ARFRP1: variants seen among roughly 807,000 people sequenced by gnomAD.
The protein encoded by ARFRP1 is ADP-ribosylation factor-related protein 1.
Under a neutral mutation model 30.3 loss-of-function variants are expected in ARFRP1, and 19 were observed. That is an observed-to-expected ratio of 0.63 (90% CI 0.44 to 0.92). The LOEUF is 0.92. ARFRP1 is among the 40% of genes least tolerant of loss of function. ARFRP1 has a pLI of 0.00. For missense variants in ARFRP1, 245 were observed against 267.5 expected (o/e 0.92, Z 0.59); for synonymous variants, 133 against 114.2 (o/e 1.16, Z -1.05).
rs370919251 is a variant in ARFRP1, at chr20:63,700,423, C to A, written c.*20G>T. 65 of 1,605,600 alleles carry A rather than the reference C, an allele frequency of 4.0e-5. 1 individual carries two copies. Among genetic ancestry groups the A allele is most frequent in the South Asian group, 2.4e-4 (22 of 90,874 alleles). On this transcript the variant is annotated 3_prime_UTR_variant, in exon 8 of 8. Transcript: ENST00000622789. ...TCCAGCACCAGGGGACCAGCCGTCC[C>A]GACGGCAGCGCGGCTGCGCCTACGT...
In ARFRP1 at chr20:63,700,153, G is replaced by A. The variant is rs2091125013; in HGVS notation, c.*290C>T. On this transcript the variant is annotated 3_prime_UTR_variant, in exon 8 of 8. Transcript: ENST00000622789. ...GCACTGGAGCCCCAATTCCCAACCA[G>A]GTCTCCCTCAGACCCCCCAGAAAGG... is the stretch of plus-strand genomic sequence containing the variant. 8 of 440,224 alleles carry A rather than the reference G, an allele frequency of 1.8e-5. No individual in the cohort carries two copies. The highest frequency in any genetic ancestry group is 3.0e-5 in the Non-Finnish European group (7 of 236,048). 27.3% of individuals were successfully genotyped at this position (440,224 alleles called of 1,614,324 possible). A position where few individuals can be genotyped will look rare whatever the true frequency, so the allele number is the denominator to read the frequency against.
chr20:63,701,683 G>A lies in ARFRP1; in HGVS notation c.417+147C>T, dbSNP rs2091211788. On this transcript the variant is annotated intron_variant, in intron 6 of 7. Coordinates refer to ENST00000622789, the MANE Select transcript of ARFRP1 (RefSeq NM_001267547.3). Reference sequence around the variant, plus strand: ...GGAGAGGAACCAGGCTTGGGAAGCTGCTGGGGGCAGGGCAGGCCTTGAGAA... The same window carrying A: ...GGAGAGGAACCAGGCTTGGGAAGCTACTGGGGGCAGGGCAGGCCTTGAGAA... The A allele has an allele frequency of 8.3e-6, 6 of 722,924 alleles. No homozygotes were observed. In the East Asian group the frequency reaches 1.4e-4, roughly 16 times the overall value. 44.8% of individuals were successfully genotyped at this position (722,924 alleles called of 1,614,324 possible).
rs948649869 is a variant in ARFRP1, at chr20:63,700,035, G to A, written c.*408C>T. 7 of 260,214 alleles carry A rather than the reference G, an allele frequency of 2.7e-5. No individual in the cohort carries two copies. The highest frequency in any genetic ancestry group is 8.5e-5 in the South Asian group (2 of 23,486). The allele number at this position is 260,214 out of a possible 1,614,324, so 16.1% of individuals were successfully genotyped here. On this transcript the variant is annotated 3_prime_UTR_variant, in exon 8 of 8. Transcript: ENST00000622789. ...GGGCAGAAGCCAGATGGCAGCCATG[G>A]CTGACGGGCCTCCTCCTCGATGGGG...
intron 4 of ARFRP1, chr20:63,706,074 C>T (rs953563875): frequency 1.2e-5 from 5 of 407,382 alleles, no homozygotes; most frequent in African/African-American, 6.1e-5. Context: ...CTGATCTGAT[C>T]GCCTTGGCAT....
rs2091137379 is a variant in ARFRP1, at chr20:63,700,359, C to G, written c.*84G>C. 5.7e-6 allele frequency: 9 copies of G among 1,575,834 alleles called. No individual in the cohort carries two copies. The highest frequency in any genetic ancestry group is 7.7e-6 in the Non-Finnish European group (9 of 1,162,200). On this transcript the variant is annotated 3_prime_UTR_variant, in exon 8 of 8. Transcript: ENST00000622789. Reference sequence around the variant, plus strand: ...ACCCCAAAGCAAAGCAAACCCACCCCCCAGATCAGCAGCATGGGAGCCAAC... The same window carrying G: ...ACCCCAAAGCAAAGCAAACCCACCCGCCAGATCAGCAGCATGGGAGCCAAC...
rs368887277 is a variant in ARFRP1 at position 63,706,624 on chromosome 20, C to T, written c.181+27G>A. ...ATCACGGCATCCTCAAGGCCCCAAA[C>T]CCACAGCCTGCTATTGAGACCCTTA... On this transcript the variant is annotated intron_variant, in intron 3 of 7. Coordinates refer to ENST00000622789, the MANE Select transcript of ARFRP1 (RefSeq NM_001267547.3). 7.0e-6 allele frequency: 11 copies of T among 1,582,168 alleles called. No individual in the cohort carries two copies. The African/African-American group carries it at 1.1e-4, about 16-fold the overall frequency.
intron 4 of ARFRP1, 110 bp downstream of exon 4, chr20:63,706,247 G>A (rs1029612567): frequency 8.8e-6 from 9 of 1,021,326 alleles, no homozygotes; most frequent in African/African-American, 4.7e-5. Flanking sequence ...GAGAAAACCC[G>A]AGGGACAGAG....
chr20:63,701,950 A>C (rs2091226272), intron 5 of ARFRP1, 50 bp from the exon 6 acceptor site: 1 of 1,494,742 alleles, frequency 6.7e-7, no homozygotes, highest in Non-Finnish European at 9.0e-7. Context: ...CCTGCCTCTG[A>C]CTGCCCAGGG....
Position 63,706,437 on chromosome 20 carries a change from C to G in ARFRP1, c.184G>C (p.Gly62Arg). 1.2e-6 allele frequency: 2 copies of G among 1,613,250 alleles called. No individual in the cohort carries two copies. The highest frequency in any genetic ancestry group is 1.7e-5 in the Admixed American group (1 of 60,026). Residue 62 changes from glycine to arginine, a missense_variant and splice_region_variant, in exon 4 of 8, where the codon GGC (glycine) becomes CGC (arginine). By Grantham distance (125) the Gly-to-Arg change is moderately radical. Transcript: ENST00000622789. The part of the protein sequence containing the change: ...KITTTVGLNI[G>R]TVDVGKARLM... ...CGAGCCTTTCCCACATCCACAGTGCCGACTGGGGAGAGGAGGAAACAGGCA... is the reference window on the plus strand; with the variant it reads ...CGAGCCTTTCCCACATCCACAGTGCGGACTGGGGAGAGGAGGAAACAGGCA...
chr20:63,706,083 AT>A, intron 4 of ARFRP1: 1 of 420,744 alleles, frequency 2.4e-6, no homozygotes, highest in Non-Finnish European at 4.5e-6. Context: ...TCGCCTTGGC[AT>A]TTAGTGATTC....
chr20:63,701,998 G>GGCCCCCCCCC (rs2091229779), intron 5 of ARFRP1, 98 bp from the exon 6 acceptor site: 43 of 585,710 alleles, frequency 7.3e-5, no homozygotes, highest in South Asian at 3.2e-4. Flanking sequence ...CACTCCCTCT[G>GGCCCCCCCCC]CCCCCCCCCC....
chr20:63,700,744 C>T (rs753608123), intron 6 of ARFRP1, 42 bp from the exon 7 acceptor site: 1 of 1,597,420 alleles, frequency 6.3e-7, no homozygotes, highest in East Asian at 2.3e-5. Context: ...CCACGTCTGG[C>T]CCTGTCCTGC....
Position 63,698,739 on chromosome 20 carries a change from G to T in ARFRP1, c.*1704C>A. On this transcript the variant is annotated 3_prime_UTR_variant, in exon 8 of 8. Transcript: ENST00000622789. ...GCAGCCGGGGACACCTGAGCCGCCC[G>T]CTGTGCCCAGATCCCTCAGGCTGCC... 1 of 712,716 alleles carries T rather than the reference G, an allele frequency of 1.4e-6. No individual in the cohort carries two copies. Among genetic ancestry groups the T allele is most frequent in the East Asian group, 3.5e-5 (1 of 28,772 alleles). 44.1% of individuals were successfully genotyped at this position (712,716 alleles called of 1,614,324 possible). A position where few individuals can be genotyped will look rare whatever the true frequency, so the allele number is the denominator to read the frequency against.
At chr20:63,701,998 G>GACC in intron 5 of ARFRP1, 98 bp from the exon 6 acceptor site, 5 of 583,914 alleles carry the variant, frequency 8.6e-6, no homozygotes, top group South Asian at 2.1e-5. Flanking sequence ...CACTCCCTCT[G>GACC]CCCCCCCCCC....
chr20:63,701,283 T>C (rs776501104), intron 6 of ARFRP1: 1 of 429,310 alleles, frequency 2.3e-6, no homozygotes, highest in Non-Finnish European at 4.6e-6. Context: ...GAAGTGAAGA[T>C]TCACCTGGCC....
At chr20:63,706,196 A>G in intron 4 of ARFRP1, 161 bp downstream of exon 4, 1 of 691,746 alleles carries the variant, frequency 1.4e-6, no homozygotes, top group Non-Finnish European at 2.5e-6. Flanking sequence ...TTCAGCTGGG[A>G]CAAAACAGGG....
intron 3 of ARFRP1, 61 bp downstream of exon 3, chr20:63,706,590 A>T (rs2091476129): frequency 2.0e-6 from 3 of 1,531,610 alleles, no homozygotes; most frequent in Non-Finnish European, 2.7e-6. Flanking sequence ...GGCCAGCTGG[A>T]CTGTGAATAT....
rs755624456 is a variant in ARFRP1, at chr20:63,700,426, C to A, written c.*17G>T. The A allele has an allele frequency of 2.2e-5, 35 of 1,605,928 alleles. No individual in the cohort carries two copies. In the South Asian group the frequency reaches 3.6e-4, roughly 17 times the overall value. On this transcript the variant is annotated 3_prime_UTR_variant, in exon 8 of 8. Coordinates refer to ENST00000622789, the MANE Select transcript of ARFRP1 (RefSeq NM_001267547.3). ...AGCACCAGGGGACCAGCCGTCCCGA[C>A]GGCAGCGCGGCTGCGCCTACGTGAT...
At position 63,706,693 on chromosome 20, in the gene ARFRP1, C is replaced by T; in HGVS notation, c.139G>A (p.Gly47Arg). The T allele has an allele frequency of 1.2e-6, 2 of 1,614,038 alleles. No individual in the cohort carries two copies. Among genetic ancestry groups the T allele is most frequent in the South Asian group, 1.1e-5 (1 of 91,076 alleles). ...SKTRFNKNYKGMSLSKITTTV... is the reference protein window; with the variant it reads ...SKTRFNKNYKRMSLSKITTTV... Reference sequence around the variant, plus strand: ...GTGGTGATTTTGGATAGACTCATCCCCTTGTAGTTCTTGTTAAATCGGGTT... The same window carrying T: ...GTGGTGATTTTGGATAGACTCATCCTCTTGTAGTTCTTGTTAAATCGGGTT... The change falls in exon 3 of 8, where the codon GGG (glycine) becomes AGG (arginine). Residue 47 changes from glycine to arginine, a missense_variant. Transcript: ENST00000622789.
Sources: gnomAD v4.1 joint callset for allele counts on GRCh38, gnomAD v4.1.1 for gene constraint, MANE v1.5 for transcripts, NCBI Gene and HGNC (gene_info 2026-07-23, HGNC 2026-07-21) for gene names.